Variants in C8orf34 observed in about 807,000 individuals in gnomAD.
The protein encoded by C8orf34 is chromosome 8 open reading frame 34, also known as uncharacterized protein C8orf34.
In C8orf34, 65 loss-of-function variants were observed where a neutral mutation model predicts 68.3. That is an observed-to-expected ratio of 0.95 (90% CI 0.78 to 1.17). The LOEUF (loss-of-function observed/expected upper bound fraction) is 1.17. C8orf34 is among the 50% of genes most tolerant of loss of function. C8orf34 has a pLI of 0.00. For synonymous variants in C8orf34, 244 were observed against 241.2 expected (o/e 1.01, Z -0.11); for missense variants, 664 against 655.4 (o/e 1.01, Z -0.14).
chr8:68,360,318 G>A (rs1806929299), intron 1 of C8orf34, among the ~76,000 whole-genome samples: 2 of 152,064 alleles, frequency 1.3e-5, no homozygotes, highest in African/African-American at 2.4e-5. Flanking sequence ...ATTCCAAACA[G>A]TGATATTTAT....
intron 10 of C8orf34, 21 bp from the exon 11 acceptor site, chr8:68,776,378 T>C: frequency 6.2e-7 from 1 of 1,601,932 alleles, no homozygotes; most frequent in Non-Finnish European, 8.6e-7. Flanking sequence ...CTTTTCAACC[T>C]CTCTTCCTCT....
chr8:68,505,738 CAAA>C (rs778441254), intron 5 of C8orf34, among the ~76,000 whole-genome samples: 1 of 68,296 alleles, frequency 1.5e-5, no homozygotes, highest in Non-Finnish European at 3.3e-5. Context: ...ACTCCGTCTC[CAAA>C]AAAAAAAAAA....
chr8:68,675,569 TA>T (rs141125477), intron 8 of C8orf34, among the ~76,000 whole-genome samples: 112 of 140,074 alleles, frequency 8.0e-4, no homozygotes, highest in African/African-American at 1.1e-3. Flanking sequence ...TAATCTCAAA[TA>T]AAAAAAAAAC....
chr8:68,647,866 G>A (rs920588414), intron 8 of C8orf34, among the ~76,000 whole-genome samples: 2 of 152,156 alleles, frequency 1.3e-5, no homozygotes, highest in Non-Finnish European at 2.9e-5. Flanking sequence ...AGTCTGCTGT[G>A]AACATTGCTG....
At chr8:68,415,122 G>T (rs1342202234) in intron 1 of C8orf34, among the ~76,000 whole-genome samples, 1 of 152,158 alleles carries the variant, frequency 6.6e-6, no homozygotes, top group Non-Finnish European at 1.5e-5. Context: ...AGACTGGTTT[G>T]TTCAGAAGCC....
intron 12 of C8orf34, among the ~76,000 whole-genome samples, chr8:68,805,250 C>A (rs1354662727): frequency 1.3e-5 from 2 of 152,142 alleles, no homozygotes; most frequent in Non-Finnish European, 2.9e-5. Context: ...CAGTAAATGA[C>A]CAGCTTTGGG....
chr8:68,537,052 C>A (rs1156508476), intron 7 of C8orf34, among the ~76,000 whole-genome samples: 2 of 152,050 alleles, frequency 1.3e-5, no homozygotes, highest in Non-Finnish European at 2.9e-5. Flanking sequence ...ATATTCTGAT[C>A]AACTTTTATA....
At chr8:68,458,563 T>G (rs940497127) in intron 3 of C8orf34, among the ~76,000 whole-genome samples, 3 of 152,212 alleles carry the variant, frequency 2.0e-5, no homozygotes, top group Non-Finnish European at 4.4e-5. Flanking sequence ...GTGATACAGA[T>G]TGCAGATTAA....
intron 1 of C8orf34, among the ~76,000 whole-genome samples, chr8:68,331,670 G>C (rs548737651): frequency 6.6e-6 from 1 of 151,682 alleles, no homozygotes; most frequent in East Asian, 1.9e-4. Flanking sequence ...GGCAGGCGAC[G>C]CATACGGATG....
intron 1 of C8orf34, among the ~76,000 whole-genome samples, chr8:68,378,680 A>T (rs960233379): frequency 1.3e-5 from 2 of 152,224 alleles, no homozygotes; most frequent in African/African-American, 4.8e-5. Flanking sequence ...TAACCAATCA[A>T]CTTGAAGTCT....
chr8:68,444,771 A>AT (rs1246990955), intron 2 of C8orf34, among the ~76,000 whole-genome samples: 4 of 152,114 alleles, frequency 2.6e-5, no homozygotes, highest in Non-Finnish European at 5.9e-5. Flanking sequence ...ATTAATATGG[A>AT]TTTTTTCTTG....
At chr8:68,397,357 C>T (rs1336427644) in intron 1 of C8orf34, among the ~76,000 whole-genome samples, 3 of 152,040 alleles carry the variant, frequency 2.0e-5, no homozygotes, top group Non-Finnish European at 4.4e-5. Context: ...TGTTTCAATT[C>T]CCATGTTTTC....
chr8:68,800,367 G>T (rs1017016631), intron 12 of C8orf34, among the ~76,000 whole-genome samples: 1 of 151,990 alleles, frequency 6.6e-6, no homozygotes, highest in African/African-American at 2.4e-5. Flanking sequence ...AGTAATTTGG[G>T]TTTTTTTTAA....
At chr8:68,461,587 G>A (rs556330078) in intron 3 of C8orf34, among the ~76,000 whole-genome samples, 371 of 152,302 alleles carry the variant, frequency 2.4e-3, no homozygotes, top group South Asian at 0.014. Context: ...ACTAAGAGCG[G>A]ATCTCTCGGC....
chr8:68,749,400 A>T (rs999173484), intron 10 of C8orf34, among the ~76,000 whole-genome samples: 1 of 152,142 alleles, frequency 6.6e-6, no homozygotes, highest in Non-Finnish European at 1.5e-5. Context: ...TAAAAAAAAG[A>T]CAGAAAGAAA....
rs147878253 is a variant in C8orf34 at position 68,545,688 on chromosome 8, G to C, written c.1105+12539G>C. 5.7e-3 allele frequency among the ~76,000 whole-genome samples: 871 copies of C among 152,224 alleles called. 8 individuals are homozygous for C. Among genetic ancestry groups the C allele is most frequent in the African/African-American group, 0.02 (837 of 41,562 alleles). The stretch of plus-strand genomic sequence containing the variant: ...AAAGATAGTTAAGCAAAAGCTGAGA[G>C]AACATGTTATCAGCAGACCTGCATT... On this transcript the variant is annotated intron_variant, in intron 7 of 13. Coordinates refer to ENST00000518698, the MANE Select transcript of C8orf34 (RefSeq NM_052958.4).
intron 8 of C8orf34, among the ~76,000 whole-genome samples, chr8:68,667,260 G>C (rs1403869129): frequency 1.3e-5 from 2 of 152,052 alleles, no homozygotes; most frequent in Non-Finnish European, 2.9e-5. Flanking sequence ...AAAAGTAAAG[G>C]CTTCATGGAG....
rs144966204 is a variant in C8orf34, at chr8:68,342,408, G to A, written c.327+11069G>A. On this transcript the variant is annotated intron_variant, in intron 1 of 13. Transcript: ENST00000518698. ...TAAAAAGATTAGAAGATAAGTTACC[G>A]GTTAGGAGAAAATATTTTCAAAGCA... 2.7e-3 allele frequency among the ~76,000 whole-genome samples: 404 copies of A among 152,156 alleles called. 3 individuals carry two copies. The highest frequency in any genetic ancestry group is 9.3e-3 in the African/African-American group (384 of 41,506).
At chr8:68,657,081 A>T (rs1370754957) in intron 8 of C8orf34, among the ~76,000 whole-genome samples, 1 of 152,100 alleles carries the variant, frequency 6.6e-6, no homozygotes, top group African/African-American at 2.4e-5. Flanking sequence ...AGTTCCTATG[A>T]ATGTCCCTCA....
Sources: allele counts gnomAD v4.1 joint callset (sites outside exome capture counted in the v4.1 genomes callset), GRCh38; gene constraint gnomAD v4.1.1; transcripts MANE v1.5; gene names NCBI Gene and HGNC (gene_info 2026-07-23, HGNC 2026-07-21).